The following LRP2 variants were observed in gnomAD, a reference collection of about 807,000 sequenced individuals.
LRP2 encodes LDL receptor related protein 2, also known as low-density lipoprotein receptor-related protein 2.
A neutral mutation model predicts 531.0 loss-of-function variants in LRP2; 172 were observed. That is an observed-to-expected ratio of 0.32 (90% CI 0.29 to 0.37). The LOEUF (loss-of-function observed/expected upper bound fraction) is 0.37, where lower values mean the gene tolerates loss of function less well. Ranked by LOEUF, LRP2 falls within the 10% of genes least tolerant of loss-of-function variation. The pLI, the probability that LRP2 is intolerant of heterozygous loss-of-function variation, is 1.00. For synonymous variants in LRP2, 1,992 were observed against 2,027.6 expected, an observed-to-expected ratio of 0.98 and a Z score of 0.47; for missense variants, 5,167 against 5,868.3, an observed-to-expected ratio of 0.88 and a Z score of 3.90.
chr2:169,301,946 C>T (rs700550), intron 4 of LRP2, among the ~76,000 whole-genome samples: 99,907 of 151,944 alleles, frequency 0.66, 33,641 homozygotes, highest in East Asian at 0.8. Context: ...AAGAATTGAG[C>T]CCTTCTTTGG....
chr2:169,326,628 C>G (rs1308701846), intron 1 of LRP2, among the ~76,000 whole-genome samples: 1 of 147,668 alleles, frequency 6.8e-6, no homozygotes, highest in Non-Finnish European at 1.5e-5. Context: ...AGCCTCTGCC[C>G]GGCCACCACC....
intron 19 of LRP2, 21 bp from the exon 20 acceptor site, chr2:169,247,536 A>G (rs1361609860): frequency 1.2e-6 from 2 of 1,613,852 alleles, no homozygotes; most frequent in Non-Finnish European, 8.5e-7. Flanking sequence ...ACATGGGTAG[A>G]TTAGTATTTT....
At chr2:169,327,194 C>A (rs1237498149) in intron 1 of LRP2, among the ~76,000 whole-genome samples, 2 of 139,770 alleles carry the variant, frequency 1.4e-5, no homozygotes, top group African/African-American at 2.7e-5. Flanking sequence ...GGGGGGTCAG[C>A]CCCCCGCCTG....
intron 38 of LRP2, among the ~76,000 whole-genome samples, chr2:169,207,532 G>A (rs920615153): frequency 6.6e-6 from 1 of 152,144 alleles, no homozygotes. Flanking sequence ...CTACTGAAAG[G>A]TATATTTTCC....
At chr2:169,140,623 T>A (rs1685687809) in intron 71 of LRP2, 78 bp from the exon 72 acceptor site, 2 of 1,125,384 alleles carry the variant, frequency 1.8e-6, no homozygotes, top group South Asian at 2.5e-5. Flanking sequence ...CCGGCCCAGG[T>A]TAGGGGTGGG....
Position 169,130,996 on chromosome 2 carries a change from T to C in LRP2, c.13728+1578A>G, listed in dbSNP as rs564866206. ...CTGCACCAGCTGGGGAAAATGTCTA[T>C]TTAGTGAAGAAGATCACTAGACTAG... is the stretch of plus-strand genomic sequence containing the variant. On this transcript the variant is annotated intron_variant, in intron 77 of 78. Transcript: ENST00000649046. Among the ~76,000 whole-genome samples, 609 of 152,280 alleles carry C rather than the reference T, an allele frequency of 4.0e-3. 2 individuals carry two copies. The highest frequency in any genetic ancestry group is 0.014 in the African/African-American group (570 of 41,566).
chr2:169,296,466 C>G (rs1684136765), intron 4 of LRP2, among the ~76,000 whole-genome samples: 1 of 151,946 alleles, frequency 6.6e-6, no homozygotes, highest in Admixed American at 6.6e-5. Context: ...ATTCTCCCTT[C>G]AAGAGATGCA....
chr2:169,297,936 TAA>T (rs954222864), intron 4 of LRP2, among the ~76,000 whole-genome samples: 2 of 151,544 alleles, frequency 1.3e-5, no homozygotes, highest in African/African-American at 4.9e-5. Flanking sequence ...GAAGGAATCT[TAA>T]AAGTAGGTTA....
At chr2:169,305,023 A>AT (rs1355518001) in intron 4 of LRP2, among the ~76,000 whole-genome samples, 1 of 152,212 alleles carries the variant, frequency 6.6e-6, no homozygotes, top group Non-Finnish European at 1.5e-5. Context: ...ATGAGAACAC[A>AT]TGGATACAGA....
intron 33 of LRP2, among the ~76,000 whole-genome samples, chr2:169,223,987 A>C (rs1250442848): frequency 6.6e-6 from 1 of 152,200 alleles, no homozygotes; most frequent in Non-Finnish European, 1.5e-5. Flanking sequence ...TTCATTTGGC[A>C]GAAATAAAAA....
chr2:169,156,479 C>A, intron 64 of LRP2, 74 bp from the exon 65 acceptor site: 3 of 1,562,042 alleles, frequency 1.9e-6, no homozygotes, highest in Non-Finnish European at 2.6e-6. Context: ...TCTGTTTAAA[C>A]CCATATTCAC....
chr2:169,285,509 C>T (rs141030882), intron 9 of LRP2, among the ~76,000 whole-genome samples: 22 of 151,922 alleles, frequency 1.4e-4, no homozygotes, highest in Admixed American at 1.4e-3. Context: ...CTTTACAATC[C>T]CCCTCTCACT....
At chr2:169,280,252 G>T in intron 11 of LRP2, 98 bp downstream of exon 11, 1 of 1,369,420 alleles carries the variant, frequency 7.3e-7, no homozygotes, top group South Asian at 1.2e-5. Flanking sequence ...TTTTTTGTTA[G>T]AAAACAAAGG....
chr2:169,265,071 A>C (rs578036993), intron 16 of LRP2, among the ~76,000 whole-genome samples: 2 of 151,856 alleles, frequency 1.3e-5, no homozygotes, highest in East Asian at 3.9e-4. Flanking sequence ...GAATGAAGGC[A>C]TCTATGAAGG....
At chr2:169,196,480 C>T (rs926355123) in intron 46 of LRP2, among the ~76,000 whole-genome samples, 3 of 152,112 alleles carry the variant, frequency 2.0e-5, no homozygotes, top group African/African-American at 7.2e-5. Flanking sequence ...CATAAACTGG[C>T]ACAGAGAGAG....
intron 29 of LRP2, among the ~76,000 whole-genome samples, chr2:169,234,828 G>A (rs954983321): frequency 6.6e-6 from 1 of 151,832 alleles, no homozygotes; most frequent in Non-Finnish European, 1.5e-5. Flanking sequence ...CATTTAACTT[G>A]TGAAAATAAA....
chr2:169,203,854 G>T, intron 42 of LRP2, 128 bp downstream of exon 42: 1 of 971,452 alleles, frequency 1.0e-6, no homozygotes, highest in Non-Finnish European at 1.6e-6. Flanking sequence ...CCCCAGGTCT[G>T]TTTCATAAAT....
In LRP2 at chr2:169,166,006, C is replaced by T. The variant is rs1294833897; in HGVS notation, c.11684G>A (p.Arg3895His). 8.1e-6 allele frequency: 13 copies of T among 1,614,000 alleles called. No homozygotes were observed. Among genetic ancestry groups the T allele is most frequent in the Middle Eastern group, 1.6e-4 (1 of 6,062 alleles). ...GCACACCTCATGACTATAAATGCAGCGATTGTTGTCACACCGGAAACGGTT... is the reference window on the plus strand; with the variant it reads ...GCACACCTCATGACTATAAATGCAGTGATTGTTGTCACACCGGAAACGGTT... The part of the protein sequence containing the change: ...SPNRFRCDNN[R>H]CIYSHEVCNG... The change falls in exon 62 of 79, where the codon CGC (arginine) becomes CAC (histidine). Residue 3895 changes from arginine to histidine, a missense_variant. Arg to His is a conservative substitution (Grantham distance 29). Transcript: ENST00000649046.
At chr2:169,356,504 C>T (rs1340857534) in intron 1 of LRP2, among the ~76,000 whole-genome samples, 3 of 152,176 alleles carry the variant, frequency 2.0e-5, no homozygotes, top group East Asian at 3.8e-4. Flanking sequence ...ATAACCACCC[C>T]GTGAGGTAGA....
Sources: allele counts gnomAD v4.1 joint callset (sites outside exome capture counted in the v4.1 genomes callset), GRCh38; gene constraint gnomAD v4.1.1; transcripts MANE v1.5; gene names NCBI Gene and HGNC (gene_info 2026-07-23, HGNC 2026-07-21).